The following PRDX2 variants were observed in gnomAD, a reference collection of about 807,000 sequenced individuals.
The protein encoded by PRDX2 is peroxiredoxin 2.
PRDX2 carries 10 observed loss-of-function variants against 19.8 expected under a neutral mutation model. That is an observed-to-expected ratio of 0.50 (90% CI 0.31 to 0.86). The LOEUF (loss-of-function observed/expected upper bound fraction) is 0.86, where lower values mean the gene tolerates loss of function less well. Ranked by LOEUF, PRDX2 falls within the 40% of genes least tolerant of loss-of-function variation. The probability of loss-of-function intolerance (pLI) is 0.04; values close to 1 mark genes in which losing one functional copy is unlikely to be tolerated. For missense variants in PRDX2, 226 were observed against 260.1 expected, an observed-to-expected ratio of 0.87 and a Z score of 0.90; for synonymous variants, 118 against 108.2, an observed-to-expected ratio of 1.09 and a Z score of -0.56.
intron 3 of PRDX2, 120 bp downstream of exon 3, chr19:12,800,796 A>G: frequency 1.3e-6 from 2 of 1,548,486 alleles, no homozygotes; most frequent in Non-Finnish European, 1.7e-6. Context: ...CAATGTTTCC[A>G]TTATTTTCAC....
intron 5 of PRDX2, 91 bp from the exon 6 acceptor site, chr19:12,797,257 G>A (rs1968806150): frequency 3.8e-6 from 4 of 1,045,120 alleles, no homozygotes; most frequent in Non-Finnish European, 4.4e-6. Context: ...AGAAAATGCT[G>A]GAAGCAAGTG....
In PRDX2 at chr19:12,797,070, C is replaced by T. The variant is rs774693944; in HGVS notation, c.*11G>A. The T allele has an allele frequency of 3.6e-5, 58 of 1,613,344 alleles. 1 individual carries two copies. The East Asian group carries it at 7.8e-4, about 22-fold the overall frequency. On this transcript the variant is annotated 3_prime_UTR_variant, in exon 6 of 6. Coordinates refer to ENST00000301522, the MANE Select transcript of PRDX2 (RefSeq NM_005809.6). ...TAGGCAGGGGCACAAGCTCACTATC[C>T]GTTAGCCAGCCTAATTGTGTTTGGA...
chr19:12,800,742 T>G (rs1326061891), intron 3 of PRDX2, 174 bp downstream of exon 3: 2 of 1,513,852 alleles, frequency 1.3e-6, no homozygotes, highest in Non-Finnish European at 1.8e-6. Flanking sequence ...GGCAACTAGT[T>G]GTCAAATGCT....
rs571194151 is a variant in PRDX2, at chr19:12,797,017, G to A, written c.*64C>T. On this transcript the variant is annotated 3_prime_UTR_variant, in exon 6 of 6. Transcript: ENST00000301522. ...GTCAGCATAGGGCACCCAGGTGGGG[G>A]CACAGGTGGACACCCAGCACAGGCA... The A allele has an allele frequency of 5.0e-5, 78 of 1,551,138 alleles. No homozygotes were observed. The South Asian group carries it at 8.4e-4, about 17-fold the overall frequency.
At position 12,797,020 on chromosome 19, in the gene PRDX2, C is replaced by T. The variant is rs1968801108; in HGVS notation, c.*61G>A. 5.7e-6 allele frequency: 9 copies of T among 1,569,742 alleles called. No homozygotes were observed. The African/African-American group carries it at 1.2e-4, about 21-fold the overall frequency. On this transcript the variant is annotated 3_prime_UTR_variant, in exon 6 of 6. Transcript: ENST00000301522. ...AGCATAGGGCACCCAGGTGGGGGCA[C>T]AGGTGGACACCCAGCACAGGCACCT...
At position 12,800,965 on chromosome 19, in the gene PRDX2, A is replaced by T. The variant is rs144532147; in HGVS notation, c.208T>A (p.Cys70Ser). The stretch of plus-strand genomic sequence containing the variant: ...TCCACCGAGACGCCCAGCACTTCAC[A>T]GCCCAGCTTGCGGAAGTCCTCTGCA... The part of the protein sequence containing the change: ...NRAEDFRKLG[C>S]EVLGVSVDSQ... The change falls in exon 3 of 6, where the codon TGT becomes AGT. Residue 70 changes from cysteine to serine, a missense_variant. Transcript: ENST00000301522. 261 of 1,611,786 alleles carry T rather than the reference A, an allele frequency of 1.6e-4. No individual in the cohort carries two copies. The highest frequency in any genetic ancestry group is 2.1e-4 in the Non-Finnish European group (247 of 1,179,938).
intron 5 of PRDX2, among the ~76,000 whole-genome samples, chr19:12,798,206 G>A (rs547394710): frequency 5.3e-5 from 8 of 151,420 alleles, no homozygotes; most frequent in Middle Eastern, 3.4e-3. Context: ...CACCACGCCC[G>A]ACTAATTTTT....
Position 12,797,000 on chromosome 19 carries a change from A to G in PRDX2, c.*81T>C. On this transcript the variant is annotated 3_prime_UTR_variant, in exon 6 of 6. Coordinates refer to ENST00000301522, the MANE Select transcript of PRDX2 (RefSeq NM_005809.6). ...GGTCTGGCCTTTCCTGGGTCAGCAT[A>G]GGGCACCCAGGTGGGGGCACAGGTG... 1 of 1,427,894 alleles carries G rather than the reference A, an allele frequency of 7.0e-7. No individual in the cohort carries two copies. Among genetic ancestry groups the G allele is most frequent in the Non-Finnish European group, 9.8e-7 (1 of 1,021,900 alleles). The allele number at this position is 1,427,894 out of a possible 1,614,324, so 88.5% of individuals were successfully genotyped here. A position where few individuals can be genotyped will look rare whatever the true frequency, so the allele number is the denominator to read the frequency against.
chr19:12,797,104 C>G lies in PRDX2; in HGVS notation c.574G>C (p.Glu192Gln), dbSNP rs371123406. The G allele has an allele frequency of 6.2e-7, 1 of 1,614,156 alleles. No homozygotes were observed. Among genetic ancestry groups the G allele is most frequent in the Middle Eastern group, 1.7e-4 (1 of 6,018 alleles). ...TIKPNVDDSK[E>Q]YFSKHN The stretch of plus-strand genomic sequence containing the variant: ...GCCTAATTGTGTTTGGAGAAATATT[C>G]CTTGCTGTCATCCACGTTGGGCTTA... Residue 192 changes from glutamate to glutamine, a missense_variant, in exon 6 of 6, where the codon GAA (glutamate) becomes CAA (glutamine). Glu to Gln is a conservative substitution (Grantham distance 29). Transcript: ENST00000301522.
chr19:12,797,335 T>C (rs1478902476), intron 5 of PRDX2, among the ~76,000 whole-genome samples, 169 bp from the exon 6 acceptor site: 1 of 151,782 alleles, frequency 6.6e-6, no homozygotes, highest in Non-Finnish European at 1.5e-5. Flanking sequence ...TTTCTTTTTT[T>C]TTTTTTTCAG....
intron 5 of PRDX2, among the ~76,000 whole-genome samples, chr19:12,798,277 C>A (rs1245310238): frequency 1.3e-5 from 2 of 151,998 alleles, no homozygotes; most frequent in African/African-American, 4.8e-5. Flanking sequence ...GATCTCCTGA[C>A]CTCTTGATCC....
intron 5 of PRDX2, among the ~76,000 whole-genome samples, chr19:12,798,327 G>A (rs539202346): frequency 6.6e-6 from 1 of 150,794 alleles, no homozygotes; most frequent in Non-Finnish European, 1.5e-5. Context: ...TTACAGGCAT[G>A]AGCCACCGTG....
chr19:12,797,792 G>A (rs1014703127), intron 5 of PRDX2, among the ~76,000 whole-genome samples: 19 of 150,906 alleles, frequency 1.3e-4, no homozygotes, highest in African/African-American at 4.6e-4. Context: ...TGAGTAGCTG[G>A]GACTACAAGT....
rs753926513 is a variant in PRDX2 at position 12,800,289 on chromosome 19, G to A, written c.268C>T (p.Pro90Ser). Residue 90 changes from proline (P) to serine (S), a missense_variant, in exon 4 of 6, where the codon CCC becomes TCC. Physicochemically the swap from Pro to Ser is moderately conservative, Grantham distance 74 (BLOSUM62 -1). Coordinates refer to ENST00000301522, the MANE Select transcript of PRDX2 (RefSeq NM_005809.6). Reference sequence around the variant, plus strand: ...GGGCCCAAGCCTCCCTCTTTCCGGGGGGTGTTGATCCTGGGAGTAGGGGAG... The same window carrying A: ...GGGCCCAAGCCTCCCTCTTTCCGGGAGGTGTTGATCCTGGGAGTAGGGGAG... Reference protein sequence around the residue: ...QFTHLAWINTPRKEGGLGPLN... With the variant: ...QFTHLAWINTSRKEGGLGPLN... The A allele has an allele frequency of 6.2e-6, 10 of 1,612,550 alleles. No individual in the cohort carries two copies. The East Asian group carries it at 2.0e-4, about 32-fold the overall frequency.
chr19:12,799,231 TG>T (rs1426721863), intron 5 of PRDX2, among the ~76,000 whole-genome samples: 1 of 150,462 alleles, frequency 6.6e-6, no homozygotes, highest in Admixed American at 6.6e-5. Context: ...AGGGTCTTGC[TG>T]TGTCACCCAG....
In PRDX2 at chr19:12,800,769, C is replaced by T. The variant is rs1269282344; in HGVS notation, c.257+147G>A. ...TCAAATGCTAATTACTGTCATCATC[C>T]TTAAAGACTTGGGCGGCAATGTTTC... On this transcript the variant is annotated intron_variant, in intron 3 of 5. Transcript: ENST00000301522. 1.9e-6 allele frequency: 3 copies of T among 1,541,578 alleles called. No individual in the cohort carries two copies. In the South Asian group the frequency reaches 3.6e-5, roughly 19 times the overall value.
In PRDX2 at chr19:12,800,292, T is replaced by C. The variant is rs1385949103; in HGVS notation, c.265A>G (p.Thr89Ala). The C allele has an allele frequency of 1.9e-6, 3 of 1,610,848 alleles. No individual in the cohort carries two copies. In the South Asian group the frequency reaches 3.3e-5, roughly 18 times the overall value. Residue 89 changes from threonine to alanine, a missense_variant, in exon 4 of 6, where the codon ACC becomes GCC. Physicochemically the swap from Thr to Ala is moderately conservative, Grantham distance 58. Transcript: ENST00000301522. ...SQFTHLAWIN[T>A]PRKEGGLGPL... ...CCCAAGCCTCCCTCTTTCCGGGGGG[T>C]GTTGATCCTGGGAGTAGGGGAGACA...
intron 3 of PRDX2, 30 bp downstream of exon 3, chr19:12,800,886 G>A (rs1968882109): frequency 6.3e-7 from 1 of 1,583,538 alleles, no homozygotes; most frequent in Non-Finnish European, 8.6e-7. Context: ...GAGCTTAGCT[G>A]CAACCTCCCT....
intron 1 of PRDX2, 121 bp from the exon 2 acceptor site, chr19:12,801,391 A>C (rs1599528867): frequency 2.9e-6 from 3 of 1,045,928 alleles, no homozygotes; most frequent in Non-Finnish European, 1.4e-6. Context: ...ACTAACCCTC[A>C]CCCTCCCGGG....
Sources: gnomAD v4.1 joint callset for allele counts (sites outside exome capture counted in the v4.1 genomes callset) on GRCh38, gnomAD v4.1.1 for gene constraint, MANE v1.5 for transcripts, NCBI Gene and HGNC (gene_info 2026-07-23, HGNC 2026-07-21) for gene names.